Variants in PHLPP1 observed in about 807,000 individuals in gnomAD.
PHLPP1 encodes PH domain leucine-rich repeat-containing protein phosphatase 1.
A neutral mutation model predicts 117.2 loss-of-function variants in PHLPP1; 42 were observed. That is an observed-to-expected ratio of 0.36 (90% CI 0.28 to 0.46). The LOEUF (loss-of-function observed/expected upper bound fraction) is 0.46, where lower values mean the gene tolerates loss of function less well. Among genes scored for constraint, PHLPP1 ranks in the 20% least tolerant of loss-of-function variants. The pLI is 1.00. For missense variants in PHLPP1, 2,084 were observed against 2,241.9 expected, an observed-to-expected ratio of 0.93 and a Z score of 1.42; for synonymous variants, 1,042 against 970.7, an observed-to-expected ratio of 1.07 and a Z score of -1.37.
intron 3 of PHLPP1, among the ~76,000 whole-genome samples, chr18:62,844,278 G>T (rs187337805): frequency 1.3e-5 from 2 of 152,274 alleles, no homozygotes; most frequent in East Asian, 3.9e-4. Context: ...GGCGAAGGTT[G>T]CACTGAGCTG....
intron 1 of PHLPP1, among the ~76,000 whole-genome samples, chr18:62,816,805 A>G (rs1040039819): frequency 2.0e-5 from 3 of 152,048 alleles, no homozygotes; most frequent in African/African-American, 7.2e-5. Context: ...CCATTAGGTT[A>G]CTGTTTTGTA....
chr18:62,841,308 C>G (rs548890872), intron 3 of PHLPP1, among the ~76,000 whole-genome samples: 6 of 148,930 alleles, frequency 4.0e-5, no homozygotes, highest in Non-Finnish European at 5.9e-5. Flanking sequence ...GACAGTTTTT[C>G]ACTTTTCTGT....
intron 6 of PHLPP1, among the ~76,000 whole-genome samples, chr18:62,897,136 G>A (rs1916584018): frequency 1.3e-5 from 2 of 152,092 alleles, no homozygotes; most frequent in African/African-American, 4.8e-5. Context: ...CTTCATTAGA[G>A]CCAAGGACAA....
chr18:62,949,577 A>G (rs1230552141), intron 12 of PHLPP1, among the ~76,000 whole-genome samples: 1 of 152,230 alleles, frequency 6.6e-6, no homozygotes, highest in Non-Finnish European at 1.5e-5. Flanking sequence ...AGAATTTTCC[A>G]GTGAGCCTGA....
rs750341239 is a variant in PHLPP1, at chr18:62,978,789, C to T, written c.4512C>T (p.Ser1504=). The change falls in exon 17 of 17, where the codon AGC becomes AGT. Residue 1504 remains serine (S), a synonymous_variant. Coordinates refer to ENST00000262719, the MANE Select transcript of PHLPP1 (RefSeq NM_194449.4). This position sits in a 1 kb window ranked among gnomAD's most constrained non-coding sequence, Gnocchi z 7.0. ...ATGAGCCCCCGCCCGGAGCCCTAAGCGAGAACAGCCCTGCCTACCCCAGTG... is the reference window on the plus strand; with the variant it reads ...ATGAGCCCCCGCCCGGAGCCCTAAGTGAGAACAGCCCTGCCTACCCCAGTG... ...ASDEPPPGAL[S]ENSPAYPSEQ... The T allele has an allele frequency of 2.8e-5, 45 of 1,612,300 alleles. No homozygotes were observed. The highest frequency in any genetic ancestry group is 6.7e-5 in the African/African-American group (5 of 74,892).
intron 1 of PHLPP1, among the ~76,000 whole-genome samples, chr18:62,728,786 C>T (rs1490121291): frequency 6.6e-6 from 1 of 152,118 alleles, no homozygotes; most frequent in African/African-American, 2.4e-5. Flanking sequence ...GGATTACAGG[C>T]ATGAGCCACT....
intron 1 of PHLPP1, among the ~76,000 whole-genome samples, chr18:62,827,131 G>T (rs1487638316): frequency 6.6e-6 from 1 of 152,174 alleles, no homozygotes; most frequent in Admixed American, 6.5e-5. Flanking sequence ...TACCTACTAT[G>T]TGCCAAGTGC....
At chr18:62,887,534 G>T (rs997307071) in intron 4 of PHLPP1, among the ~76,000 whole-genome samples, 2 of 152,168 alleles carry the variant, frequency 1.3e-5, no homozygotes, top group African/African-American at 4.8e-5. Flanking sequence ...GACTCATTCT[G>T]TGCTTCAAGG....
At chr18:62,821,403 G>A (rs1388304688) in intron 1 of PHLPP1, among the ~76,000 whole-genome samples, 1 of 152,002 alleles carries the variant, frequency 6.6e-6, no homozygotes, top group African/African-American at 2.4e-5. Context: ...ACAAAAGTCA[G>A]CTGGGCATAA....
intron 1 of PHLPP1, among the ~76,000 whole-genome samples, chr18:62,772,530 A>T (rs1238152474): frequency 2.0e-5 from 3 of 152,242 alleles, no homozygotes; most frequent in East Asian, 3.9e-4. Context: ...TATTGTTTTT[A>T]AAAAATAATT....
chr18:62,787,783 G>A (rs1354941534), intron 1 of PHLPP1, among the ~76,000 whole-genome samples: 1 of 152,046 alleles, frequency 6.6e-6, no homozygotes, highest in East Asian at 1.9e-4. Context: ...TAGCATTACC[G>A]TGCAGCGGGG....
chr18:62,728,254 C>T (rs910977852), intron 1 of PHLPP1, among the ~76,000 whole-genome samples: 2 of 150,604 alleles, frequency 1.3e-5, no homozygotes, highest in African/African-American at 4.9e-5. Context: ...GAGATGGTGC[C>T]ACTGCACTCC....
intron 1 of PHLPP1, among the ~76,000 whole-genome samples, chr18:62,808,918 T>C (rs777297105): frequency 8.5e-5 from 13 of 152,214 alleles, no homozygotes; most frequent in Non-Finnish European, 1.8e-4. Context: ...TTCTACAAAA[T>C]TATACTGCAG....
chr18:62,719,629 T>C (rs1291531260), intron 1 of PHLPP1, among the ~76,000 whole-genome samples: 1 of 152,202 alleles, frequency 6.6e-6, no homozygotes, highest in Non-Finnish European at 1.5e-5. Context: ...TTAGATGACA[T>C]CTTTTACAGG....
chr18:62,946,517 C>G (rs2144460265), intron 12 of PHLPP1, among the ~76,000 whole-genome samples: 1 of 152,200 alleles, frequency 6.6e-6, no homozygotes, highest in Middle Eastern at 3.4e-3. Flanking sequence ...ATCCACCCAC[C>G]TCGGCCTCCC....
chr18:62,931,410 T>G (rs909126767), intron 10 of PHLPP1, among the ~76,000 whole-genome samples: 22 of 151,508 alleles, frequency 1.5e-4, no homozygotes, highest in African/African-American at 5.1e-4. Context: ...AGTTAACAAC[T>G]AATTGTTGGA....
intron 10 of PHLPP1, among the ~76,000 whole-genome samples, chr18:62,933,063 G>A (rs1438897228): frequency 6.6e-6 from 1 of 152,162 alleles, no homozygotes; most frequent in East Asian, 1.9e-4. Flanking sequence ...CCGAGGAGGT[G>A]AAAGATCTCT....
chr18:62,950,668 A>G (rs1330711358), intron 12 of PHLPP1, among the ~76,000 whole-genome samples: 2 of 152,194 alleles, frequency 1.3e-5, no homozygotes, highest in African/African-American at 4.8e-5. Flanking sequence ...GACATAATAG[A>G]CGTAAAAACG....
At chr18:62,816,060 T>C (rs2144316251) in intron 1 of PHLPP1, among the ~76,000 whole-genome samples, 1 of 152,330 alleles carries the variant, frequency 6.6e-6, no homozygotes, top group South Asian at 2.1e-4. Context: ...TTTCCTTTTG[T>C]TGAATGTTGA....
Sources: gnomAD v4.1 joint callset for allele counts (sites outside exome capture counted in the v4.1 genomes callset) on GRCh38, gnomAD v4.1.1 for gene constraint, Gnocchi (gnomAD v3.1) non-coding constraint, MANE v1.5 for transcripts, NCBI Gene and HGNC (gene_info 2026-07-23, HGNC 2026-07-21) for gene names.